MOCOS: variants seen among roughly 807,000 people sequenced by gnomAD.
MOCOS encodes the protein human molybdenum cofactor sulfurase.
A neutral mutation model predicts 83.6 loss-of-function variants in MOCOS; 86 were observed. That is an observed-to-expected ratio of 1.03 (90% CI 0.86 to 1.23). The LOEUF (loss-of-function observed/expected upper bound fraction) is 1.23. Among genes scored for constraint, MOCOS ranks in the 50% most tolerant of loss-of-function variants. The probability of loss-of-function intolerance (pLI) is 0.00; values close to 1 mark genes in which losing one functional copy is unlikely to be tolerated. For synonymous variants in MOCOS, 445 were observed against 434.7 expected (o/e 1.02, Z -0.29); for missense variants, 1,120 against 1,126.9 (o/e 0.99, Z 0.09).
chr18:36,243,419 G>T (rs2091591339), intron 9 of MOCOS, among the ~76,000 whole-genome samples: 1 of 152,100 alleles, frequency 6.6e-6, no homozygotes, highest in Non-Finnish European at 1.5e-5. Context: ...CACATTTATT[G>T]ACTTGTGTAA....
chr18:36,200,508 G>T (rs2091409398), intron 4 of MOCOS, among the ~76,000 whole-genome samples, 184 bp downstream of exon 4: 1 of 152,168 alleles, frequency 6.6e-6, no homozygotes, highest in Admixed American at 6.5e-5. Context: ...AGGTGACACA[G>T]GTGTTCAGTG....
chr18:36,218,836 A>ATTTT (rs1555652669), intron 8 of MOCOS, among the ~76,000 whole-genome samples: 20 of 113,724 alleles, frequency 1.8e-4, no homozygotes, highest in Admixed American at 8.8e-4. Context: ...ACTTTATTTT[A>ATTTT]TTTTATTTAT....
intron 9 of MOCOS, among the ~76,000 whole-genome samples, chr18:36,235,671 G>T (rs1463980964): frequency 6.6e-6 from 1 of 151,232 alleles, no homozygotes; most frequent in Non-Finnish European, 1.5e-5. Context: ...TGGGTCAAAT[G>T]GTATTTCTAG....
At chr18:36,242,243 T>C (rs1395783000) in intron 9 of MOCOS, among the ~76,000 whole-genome samples, 3 of 152,172 alleles carry the variant, frequency 2.0e-5, no homozygotes, top group Admixed American at 6.5e-5. Flanking sequence ...GTTCCACAGA[T>C]CTCTAGGGCA....
chr18:36,256,946 T>G, intron 11 of MOCOS, 22 bp from the exon 12 acceptor site: 1 of 1,589,360 alleles, frequency 6.3e-7, no homozygotes, highest in Non-Finnish European at 8.6e-7. Flanking sequence ...AACTCTTCTT[T>G]TAAATGCTCC....
chr18:36,194,355 C>G (rs527316553), intron 1 of MOCOS, among the ~76,000 whole-genome samples: 5 of 152,292 alleles, frequency 3.3e-5, no homozygotes, highest in Admixed American at 6.5e-5. Flanking sequence ...GAATGGATCT[C>G]TTCACATTAT....
intron 9 of MOCOS, among the ~76,000 whole-genome samples, chr18:36,229,632 G>A (rs762085856): frequency 3.3e-5 from 5 of 152,062 alleles, no homozygotes; most frequent in Non-Finnish European, 7.3e-5. Context: ...CTCCCATAAT[G>A]TATATATTGG....
intron 2 of MOCOS, among the ~76,000 whole-genome samples, chr18:36,198,077 G>T (rs1355546521): frequency 6.6e-6 from 1 of 152,036 alleles, no homozygotes; most frequent in Admixed American, 6.6e-5. Flanking sequence ...CCAGTAGTTT[G>T]TTCCTTTTTA....
At chr18:36,210,878 A>AAAAAAAAAAAAAAT (rs2091453079) in intron 6 of MOCOS, among the ~76,000 whole-genome samples, 1 of 136,392 alleles carries the variant, frequency 7.3e-6, no homozygotes, top group Admixed American at 7.5e-5. Flanking sequence ...AAAAAAAAAA[A>AAAAAAAAAAAAAAT]AAGTAACTGT....
chr18:36,190,753 AAAAC>A (rs2091361662), intron 1 of MOCOS, among the ~76,000 whole-genome samples: 1 of 152,008 alleles, frequency 6.6e-6, no homozygotes, highest in South Asian at 2.1e-4. Flanking sequence ...TGTCTCAAAA[AAAAC>A]AAAAAAACAA....
At chr18:36,201,229 C>T (rs968994791) in intron 4 of MOCOS, among the ~76,000 whole-genome samples, 1 of 152,208 alleles carries the variant, frequency 6.6e-6, no homozygotes. Flanking sequence ...CACGTAGGGC[C>T]ATGGCCTTGA....
At position 36,260,131 on chromosome 18, in the gene MOCOS, G is replaced by T; in HGVS notation, c.2365G>T (p.Glu789Ter). ...IIINGKRAFE[E>*]EKWDEISIGS... is the part of the protein sequence containing the mutation. ...TATCAATGGAAAAAGGGCTTTTGAA[G>T]AAGAGAAATGGGATGAGATTTCAAT... The change falls in exon 13 of 15, where the codon GAA (glutamate) becomes TAA (stop). Residue 789 changes from glutamate to a stop codon, truncating the protein, a stop_gained. Transcript: ENST00000261326. LOFTEE classifies it high-confidence loss of function. 1 of 1,614,204 alleles carries T rather than the reference G, an allele frequency of 6.2e-7. No homozygotes were observed.
intron 7 of MOCOS, 126 bp from the exon 8 acceptor site, chr18:36,215,390 A>G (rs2091471930): frequency 3.4e-6 from 3 of 878,148 alleles, no homozygotes; most frequent in African/African-American, 1.7e-5. Context: ...CACAGCACAT[A>G]TTAATGTTGC....
intron 9 of MOCOS, among the ~76,000 whole-genome samples, chr18:36,242,653 A>G (rs1306740667): frequency 1.3e-5 from 2 of 152,206 alleles, no homozygotes; most frequent in Non-Finnish European, 2.9e-5. Context: ...ACATGGCTGG[A>G]GAGGCCTCAA....
Position 36,269,017 on chromosome 18 carries a change from A to C in MOCOS, c.*332A>C. On this transcript the variant is annotated 3_prime_UTR_variant, in exon 15 of 15. Coordinates refer to ENST00000261326, the MANE Select transcript of MOCOS (RefSeq NM_017947.4). ...AAGATTGAACTTACTGCGGGTCCCTATTTTGCCATTTTCTCACATTGTTAC... is the reference window on the plus strand; with the variant it reads ...AAGATTGAACTTACTGCGGGTCCCTCTTTTGCCATTTTCTCACATTGTTAC... 3.2e-6 allele frequency: 1 copy of C among 310,008 alleles called. No homozygotes were observed. The highest frequency in any genetic ancestry group is 6.1e-6 in the Non-Finnish European group (1 of 164,646). The allele number at this position is 310,008 out of a possible 1,614,324, so 19.2% of individuals were successfully genotyped here.
chr18:36,240,205 G>A (rs1194166770), intron 9 of MOCOS, among the ~76,000 whole-genome samples: 6 of 136,510 alleles, frequency 4.4e-5, no homozygotes, highest in Admixed American at 3.8e-4. Context: ...GAGGAGGAGA[G>A]GCGCTCTGAT....
At chr18:36,219,193 A>AT (rs200647128) in intron 8 of MOCOS, among the ~76,000 whole-genome samples, 3,901 of 56,996 alleles carry the variant, frequency 0.068, 165 homozygotes, top group African/African-American at 0.16. Flanking sequence ...ATTTTATTTT[A>AT]TTTTTTTTTT....
chr18:36,220,890 C>A (rs566971336), intron 9 of MOCOS, among the ~76,000 whole-genome samples: 1 of 150,800 alleles, frequency 6.6e-6, no homozygotes, highest in Non-Finnish European at 1.5e-5. Context: ...GATCGCACCA[C>A]TGCACTCCAG....
intron 13 of MOCOS, among the ~76,000 whole-genome samples, chr18:36,262,218 C>G (rs2091665752): frequency 9.2e-6 from 1 of 108,318 alleles, no homozygotes. Context: ...TTTTCACCAG[C>G]CTGGGCAGCA....
Sources: gnomAD v4.1 joint callset for allele counts (sites outside exome capture counted in the v4.1 genomes callset) on GRCh38, gnomAD v4.1.1 for gene constraint, MANE v1.5 for transcripts, NCBI Gene and HGNC (gene_info 2026-07-23, HGNC 2026-07-21) for gene names.